The following NCOA3 variants were observed in gnomAD, a reference collection of about 807,000 sequenced individuals.
NCOA3 encodes the protein nuclear receptor coactivator 3.
Under a neutral mutation model 158.8 loss-of-function variants are expected in NCOA3, and 51 were observed. The ratio of observed to expected loss-of-function variants is 0.32; its 90% CI spans 0.26 to 0.41. NCOA3 has a LOEUF of 0.41. NCOA3 is among the 10% of genes least tolerant of loss of function. NCOA3 has a pLI of 1.00. For synonymous variants in NCOA3, 537 were observed against 592.4 expected, an observed-to-expected ratio of 0.91 and a Z score of 1.36; for missense variants, 1,510 against 1,746.6, an observed-to-expected ratio of 0.86 and a Z score of 2.41.
chr20:47,592,585 T>C (rs923725979), intron 2 of NCOA3, among the ~76,000 whole-genome samples: 8 of 152,204 alleles, frequency 5.3e-5, no homozygotes, highest in East Asian at 1.9e-4. Context: ...ATCAAAGTTA[T>C]ATACCTAGTT....
intron 1 of NCOA3, among the ~76,000 whole-genome samples, chr20:47,555,088 A>G (rs1038934398): frequency 2.0e-5 from 3 of 152,234 alleles, no homozygotes; most frequent in African/African-American, 7.2e-5. Flanking sequence ...GACAAAGCTG[A>G]CAAAAACAAG....
chr20:47,532,025 A>G (rs1196233002), intron 1 of NCOA3, among the ~76,000 whole-genome samples: 1 of 151,838 alleles, frequency 6.6e-6, no homozygotes, highest in Non-Finnish European at 1.5e-5. Flanking sequence ...AGTGCTAGCC[A>G]TGTGTTGCCT....
chr20:47,524,497 G>A (rs1250461238), intron 1 of NCOA3, among the ~76,000 whole-genome samples: 1 of 152,160 alleles, frequency 6.6e-6, no homozygotes, highest in African/African-American at 2.4e-5. Context: ...CGGCTCTAAT[G>A]AGTGGGGGAA....
intron 1 of NCOA3, among the ~76,000 whole-genome samples, chr20:47,548,917 T>C (rs1182294756): frequency 6.6e-6 from 1 of 152,254 alleles, no homozygotes; most frequent in Non-Finnish European, 1.5e-5. Flanking sequence ...AAAAATACCA[T>C]TTAATGAATT....
chr20:47,540,133 T>C (rs1456697863), intron 1 of NCOA3, among the ~76,000 whole-genome samples: 1 of 152,174 alleles, frequency 6.6e-6, no homozygotes, highest in Non-Finnish European at 1.5e-5. Flanking sequence ...CCACCCTACA[T>C]TGCCTTAGGA....
intron 1 of NCOA3, among the ~76,000 whole-genome samples, chr20:47,535,154 G>T (rs922712900): frequency 6.6e-6 from 1 of 151,266 alleles, no homozygotes; most frequent in Non-Finnish European, 1.5e-5. Context: ...TCAAACTCCT[G>T]GGCTCAAGGA....
intron 6 of NCOA3, 79 bp downstream of exon 6, chr20:47,627,255 T>C: frequency 8.2e-7 from 1 of 1,217,820 alleles, no homozygotes; most frequent in African/African-American, 1.5e-5. Context: ...ATGTATCTTT[T>C]AGGAAGTCAA....
chr20:47,560,204 C>T (rs577603744), intron 1 of NCOA3, among the ~76,000 whole-genome samples: 20 of 152,222 alleles, frequency 1.3e-4, no homozygotes, highest in African/African-American at 4.1e-4. Context: ...CTCAGCCACC[C>T]GAGTAGCTGG....
rs749151460 is a variant in NCOA3, at chr20:47,622,252, G to A, written c.5G>A (p.Ser2Asn). ...AGTTGCTGATGTATATTCAAGATGAGTGGATTAGGAGAAAACTTGGATCCA... is the reference window on the plus strand; with the variant it reads ...AGTTGCTGATGTATATTCAAGATGAATGGATTAGGAGAAAACTTGGATCCA... M[S>N]GLGENLDPLA... Residue 2 changes from serine to asparagine, a missense_variant, in exon 3 of 23, where the codon AGT becomes AAT. Physicochemically the swap from Ser to Asn is conservative, Grantham distance 46 (BLOSUM62 1). Coordinates refer to ENST00000371998, the MANE Select transcript of NCOA3 (RefSeq NM_181659.3). 1.2e-6 allele frequency: 2 copies of A among 1,600,102 alleles called. No homozygotes were observed. The highest frequency in any genetic ancestry group is 1.7e-5 in the Admixed American group (1 of 57,816).
At chr20:47,578,872 T>G (rs1228528343) in intron 1 of NCOA3, among the ~76,000 whole-genome samples, 1 of 152,178 alleles carries the variant, frequency 6.6e-6, no homozygotes, top group Non-Finnish European at 1.5e-5. Flanking sequence ...GGGTTTAATA[T>G]GATTAATTGT....
chr20:47,558,491 G>A (rs1303855397), intron 1 of NCOA3, among the ~76,000 whole-genome samples: 1 of 152,034 alleles, frequency 6.6e-6, no homozygotes, highest in Admixed American at 6.6e-5. Flanking sequence ...TAGTCACATT[G>A]TGAGAGGTGA....
At chr20:47,635,265 A>G (rs1020500317) in intron 10 of NCOA3, 57 bp from the exon 11 acceptor site, 1 of 1,476,858 alleles carries the variant, frequency 6.8e-7, no homozygotes, top group Non-Finnish European at 9.1e-7. Context: ...AAATCTGATT[A>G]AAAGCTTTCA....
chr20:47,653,070 C>G lies in NCOA3; in HGVS notation c.4261C>G (p.Gln1421Glu). 3.1e-6 allele frequency: 5 copies of G among 1,614,202 alleles called. No individual in the cohort carries two copies. The highest frequency in any genetic ancestry group is 4.2e-6 in the Non-Finnish European group (5 of 1,180,040). Residue 1421 changes from glutamine to glutamate, a missense_variant and splice_region_variant, in exon 22 of 23, where the codon CAG becomes GAG. Gln to Glu is a conservative substitution (Grantham distance 29). Coordinates refer to ENST00000371998, the MANE Select transcript of NCOA3 (RefSeq NM_181659.3). ...GTCTGGCATGCCTATGGGTCCTGATCAGGTATGGGATCGATTCCTTACCTT... is the reference window on the plus strand; with the variant it reads ...GTCTGGCATGCCTATGGGTCCTGATGAGGTATGGGATCGATTCCTTACCTT... ...PMSGMPMGPD[Q>E]KYC
chr20:47,543,871 A>ACT (rs2084783958), intron 1 of NCOA3, among the ~76,000 whole-genome samples: 1 of 152,214 alleles, frequency 6.6e-6, no homozygotes, highest in East Asian at 1.9e-4. Flanking sequence ...TACATAGGAA[A>ACT]GATGTGATAT....
chr20:47,513,230 C>CA (rs1197530779), intron 1 of NCOA3, among the ~76,000 whole-genome samples: 2 of 152,058 alleles, frequency 1.3e-5, no homozygotes, highest in African/African-American at 4.8e-5. Flanking sequence ...ATAACCCAGC[C>CA]ATTCTACTTC....
rs2086351118 is a variant in NCOA3, at chr20:47,628,041, G to C, written c.823+18G>C. 2 of 1,534,988 alleles carry C rather than the reference G, an allele frequency of 1.3e-6. No individual in the cohort carries two copies. Among genetic ancestry groups the C allele is most frequent in the Non-Finnish European group, 1.8e-6 (2 of 1,115,092 alleles). On this transcript the variant is annotated intron_variant, in intron 8 of 22. Transcript: ENST00000371998. Reference sequence around the variant, plus strand: ...TCTTTCAGGTAAAAACTCTTTTTTTGTCTCTCTCTCTCTCTGTGTATACGT... The same window carrying C: ...TCTTTCAGGTAAAAACTCTTTTTTTCTCTCTCTCTCTCTCTGTGTATACGT...
chr20:47,510,328 G>A (rs914688777), intron 1 of NCOA3, among the ~76,000 whole-genome samples: 1 of 150,104 alleles, frequency 6.7e-6, no homozygotes, highest in South Asian at 2.1e-4. Flanking sequence ...AGCTACTCAG[G>A]AGGCTGAGGC....
At chr20:47,619,577 C>T (rs1371189415) in intron 2 of NCOA3, among the ~76,000 whole-genome samples, 1 of 149,502 alleles carries the variant, frequency 6.7e-6, no homozygotes, top group African/African-American at 2.5e-5. Flanking sequence ...CCTGGGAAGC[C>T]GAGGTTACAG....
chr20:47,626,858 T>C (rs1341040830), intron 5 of NCOA3, 144 bp from the exon 6 acceptor site: 2 of 661,090 alleles, frequency 3.0e-6, no homozygotes, highest in African/African-American at 1.8e-5. Flanking sequence ...CCCACCGTTA[T>C]GACCTCATTT....
Sources: allele counts gnomAD v4.1 joint callset (sites outside exome capture counted in the v4.1 genomes callset), GRCh38; gene constraint gnomAD v4.1.1; transcripts MANE v1.5; gene names NCBI Gene and HGNC (gene_info 2026-07-23, HGNC 2026-07-21).